CNBD1: variants seen among roughly 807,000 people sequenced by gnomAD.
CNBD1 encodes the protein cyclic nucleotide-binding domain-containing protein 1.
CNBD1 carries 71 observed loss-of-function variants against 54.4 expected under a neutral mutation model. The ratio of observed to expected loss-of-function variants is 1.30; its 90% CI spans 1.08 to 1.59. The LOEUF (loss-of-function observed/expected upper bound fraction) is 1.59, where lower values mean the gene tolerates loss of function less well. Among genes scored for constraint, CNBD1 ranks in the 40% most tolerant of loss-of-function variants. The pLI is 0.00. For missense variants in CNBD1, 659 were observed against 518.0 expected (o/e 1.27, Z -2.64); for synonymous variants, 182 against 170.7 (o/e 1.07, Z -0.51).
At chr8:87,273,455 GA>G (rs1808409738) in intron 6 of CNBD1, among the ~76,000 whole-genome samples, 1 of 151,928 alleles carries the variant, frequency 6.6e-6, no homozygotes, top group African/African-American at 2.4e-5. Flanking sequence ...TTGTTTCTCT[GA>G]AACAAATTCA....
intron 10 of CNBD1, among the ~76,000 whole-genome samples, chr8:87,365,736 T>C (rs1222193688): frequency 1.3e-5 from 2 of 152,064 alleles, no homozygotes; most frequent in African/African-American, 2.4e-5. Flanking sequence ...AGAAAGATTT[T>C]AAAATTAACA....
At chr8:87,142,986 C>G (rs919732579) in intron 4 of CNBD1, among the ~76,000 whole-genome samples, 2 of 152,092 alleles carry the variant, frequency 1.3e-5, no homozygotes, top group African/African-American at 4.8e-5. Context: ...TGTCTGTTCT[C>G]AATCTTAGGA....
At chr8:87,361,440 C>A (rs1810522147) in intron 10 of CNBD1, among the ~76,000 whole-genome samples, 1 of 151,614 alleles carries the variant, frequency 6.6e-6, no homozygotes, top group Non-Finnish European at 1.5e-5. Flanking sequence ...ACACAAATGT[C>A]TTACAAGGCT....
intron 6 of CNBD1, among the ~76,000 whole-genome samples, chr8:87,262,902 G>A (rs1480436458): frequency 6.6e-6 from 1 of 152,100 alleles, no homozygotes; most frequent in Non-Finnish European, 1.5e-5. Flanking sequence ...CTGTATTGGA[G>A]ATAATGATGA....
chr8:87,089,855 CAT>C (rs1368023644), intron 4 of CNBD1, among the ~76,000 whole-genome samples: 1 of 151,916 alleles, frequency 6.6e-6, no homozygotes, highest in Non-Finnish European at 1.5e-5. Context: ...TCATTAGTAA[CAT>C]GTAGGTATTT....
At chr8:87,049,196 G>T (rs1327377825) in intron 4 of CNBD1, among the ~76,000 whole-genome samples, 1 of 152,074 alleles carries the variant, frequency 6.6e-6, no homozygotes, top group African/African-American at 2.4e-5. Flanking sequence ...ATTTCCCTCA[G>T]TTATGTCATC....
intron 8 of CNBD1, among the ~76,000 whole-genome samples, chr8:87,312,793 A>G (rs1809296451): frequency 6.6e-6 from 1 of 152,148 alleles, no homozygotes; most frequent in East Asian, 1.9e-4. Context: ...TCTAAAAACA[A>G]GAGAAATATT....
chr8:87,022,284 A>G (rs1421461236), intron 4 of CNBD1, among the ~76,000 whole-genome samples: 1 of 152,170 alleles, frequency 6.6e-6, no homozygotes, highest in Non-Finnish European at 1.5e-5. Flanking sequence ...ACTTGCATGG[A>G]GTGAGGCATT....
intron 8 of CNBD1, among the ~76,000 whole-genome samples, chr8:87,312,079 A>G (rs10086296): frequency 0.38 from 58,420 of 151,840 alleles, 11,509 homozygotes; most frequent in Middle Eastern, 0.45. Context: ...ACCTGCATAT[A>G]TACCCCTGAA....
chr8:87,267,460 T>C (rs1808283233), intron 6 of CNBD1, among the ~76,000 whole-genome samples: 1 of 152,208 alleles, frequency 6.6e-6, no homozygotes. Context: ...ATTTGTGTTT[T>C]GGAAAACGGG....
chr8:86,878,105 T>TGTGA (rs56785226), intron 1 of CNBD1, among the ~76,000 whole-genome samples: 5,825 of 140,848 alleles, frequency 0.041, 150 homozygotes, highest in South Asian at 0.069. Flanking sequence ...TGTGTGTGTG[T>TGTGA]GAGAGAGAGA....
In CNBD1 at chr8:87,353,621, AT is replaced by A. The variant is rs767408526; in HGVS notation, c.1153-14del. ...AGCAGTTGCATTAAACATCAATAAT[AT>A]ATTTTTTTAACAGAAAAGATCTCAA... On this transcript the variant is annotated splice_polypyrimidine_tract_variant and intron_variant, in intron 9 of 10. Transcript: ENST00000518476. The A allele has an allele frequency of 1.3e-5, 19 of 1,513,044 alleles. No individual in the cohort carries two copies. The African/African-American group carries it at 2.7e-4, about 21-fold the overall frequency. The allele number at this position is 1,513,044 out of a possible 1,614,324, so 93.7% of individuals were successfully genotyped here.
chr8:87,420,588 G>A (rs1201829702), intron 2 of CNBD1, among the ~76,000 whole-genome samples: 2 of 151,984 alleles, frequency 1.3e-5, no homozygotes, highest in South Asian at 2.1e-4. Context: ...AGTTACTTGA[G>A]GTAGAGAGAG....
At chr8:86,914,832 G>A (rs964165267) in intron 3 of CNBD1, among the ~76,000 whole-genome samples, 1 of 152,178 alleles carries the variant, frequency 6.6e-6, no homozygotes, top group Non-Finnish European at 1.5e-5. Flanking sequence ...TGAATTGAAT[G>A]CTTGAGCAAA....
At chr8:87,025,355 A>G (rs1809617506) in intron 4 of CNBD1, among the ~76,000 whole-genome samples, 1 of 152,166 alleles carries the variant, frequency 6.6e-6, no homozygotes, top group Non-Finnish European at 1.5e-5. Flanking sequence ...TTTTCACAAT[A>G]AATCTTGCTG....
intron 7 of CNBD1, among the ~76,000 whole-genome samples, chr8:87,285,327 T>G (rs1290124913): frequency 6.6e-6 from 1 of 152,210 alleles, no homozygotes; most frequent in Non-Finnish European, 1.5e-5. Flanking sequence ...TAATTCTGCG[T>G]TTTTAAGATA....
intron 7 of CNBD1, 100 bp downstream of exon 7, chr8:87,284,915 T>C: frequency 1.1e-6 from 1 of 875,686 alleles, no homozygotes; most frequent in South Asian, 2.3e-5. Context: ...GTTTTATTTT[T>C]AAATTTTAAT....
At chr8:87,221,028 G>T (rs1814323394) in intron 5 of CNBD1, among the ~76,000 whole-genome samples, 2 of 152,066 alleles carry the variant, frequency 1.3e-5, no homozygotes, top group Non-Finnish European at 2.9e-5. Context: ...TCCTGGCCAA[G>T]CAGGCTGCCC....
At chr8:87,145,457 C>T (rs1164812170) in intron 4 of CNBD1, among the ~76,000 whole-genome samples, 2 of 151,868 alleles carry the variant, frequency 1.3e-5, no homozygotes, top group African/African-American at 4.8e-5. Flanking sequence ...TGAAATAACC[C>T]CAGATCCCAG....
Sources: allele counts gnomAD v4.1 joint callset (sites outside exome capture counted in the v4.1 genomes callset), GRCh38; gene constraint gnomAD v4.1.1; transcripts MANE v1.5; gene names NCBI Gene and HGNC (gene_info 2026-07-23, HGNC 2026-07-21).